The following NOP14 variants were observed in gnomAD, a reference collection of about 807,000 sequenced individuals.
NOP14 encodes the protein nucleolar protein 14.
In NOP14, 57 loss-of-function variants were observed where a neutral mutation model predicts 101.6. The ratio of observed to expected loss-of-function variants is 0.56; its 90% confidence interval spans 0.45 to 0.70. The LOEUF (loss-of-function observed/expected upper bound fraction) is 0.70. Ranked by LOEUF, NOP14 falls within the 30% of genes least tolerant of loss-of-function variation. NOP14 has a pLI of 0.00. For synonymous variants in NOP14, 428 were observed against 424.0 expected (o/e 1.01, Z -0.12); for missense variants, 1,134 against 1,075.5 (o/e 1.05, Z -0.76).
intron 1 of NOP14, chr4:2,961,298 T>C (rs1715881924): frequency 1.3e-5 from 2 of 148,884 alleles, no homozygotes; most frequent in East Asian, 1.9e-4. Context: ...ACTATATTAA[T>C]ATAGTTACTG....
In NOP14 at chr4:2,938,927, A is replaced by T. The variant is rs770804568; in HGVS notation, c.2478T>A (p.Asp826Glu). 3.7e-6 allele frequency: 6 copies of T among 1,613,646 alleles called. No homozygotes were observed. Among genetic ancestry groups the T allele is most frequent in the Non-Finnish European group, 5.1e-6 (6 of 1,179,696 alleles). Residue 826 changes from aspartate to glutamate, a missense_variant, in exon 18 of 18, where the codon GAT (aspartate) becomes GAA (glutamate). Asp to Glu is a conservative substitution (Grantham distance 45, BLOSUM62 2). Coordinates refer to ENST00000416614, the MANE Select transcript of NOP14 (RefSeq NM_001291978.2). ...RMQLSEIMER[D>E]AERKRKVKQL... ...GCTTTACTTTCCGCTTTCTTTCCGCATCCCTAAAAGAAACAAAAGGCAAAT... is the reference window on the plus strand; with the variant it reads ...GCTTTACTTTCCGCTTTCTTTCCGCTTCCCTAAAAGAAACAAAAGGCAAAT...
chr4:2,954,641 T>C (rs1715224439), intron 3 of NOP14, 78 bp from the exon 4 acceptor site: 3 of 1,532,472 alleles, frequency 2.0e-6, no homozygotes, highest in Admixed American at 2.0e-5. Flanking sequence ...ACTCTGCCAG[T>C]GCTTCCCCCA....
intron 8 of NOP14, 71 bp downstream of exon 8, chr4:2,949,863 C>G: frequency 6.4e-7 from 1 of 1,566,910 alleles, no homozygotes. Flanking sequence ...GGGAGGGAGA[C>G]GAACACACAC....
intron 7 of NOP14, chr4:2,950,887 AGT>A (rs1009811102): frequency 3.1e-4 from 82 of 263,784 alleles, no homozygotes; most frequent in African/African-American, 1.4e-3. Flanking sequence ...AGAGAGAGAG[AGT>A]GAGAAAGAGA....
intron 1 of NOP14, among the ~76,000 whole-genome samples, chr4:2,959,466 G>A (rs113397535): frequency 0.073 from 11,097 of 152,138 alleles, 632 homozygotes; most frequent in Admixed American, 0.16. Flanking sequence ...GGTGGCGGGC[G>A]CCTGTAGTCC....
chr4:2,943,946 C>T (rs190448582), intron 13 of NOP14, 127 bp downstream of exon 13: 36 of 714,228 alleles, frequency 5.0e-5, no homozygotes, highest in African/African-American at 2.0e-4. Flanking sequence ...ACAGACAGTG[C>T]GGCGGGTGGC....
chr4:2,961,228 T>A (rs1715860111), intron 1 of NOP14: 4 of 117,604 alleles, frequency 3.4e-5, no homozygotes, highest in Admixed American at 9.1e-5. Context: ...ATTAATATTG[T>A]TAGTATATTA....
intron 8 of NOP14, among the ~76,000 whole-genome samples, chr4:2,949,084 C>T (rs146890285): frequency 4.2e-4 from 64 of 152,322 alleles, no homozygotes; most frequent in African/African-American, 1.3e-3. Context: ...GCAGTGTCAG[C>T]TCAGGAGACT....
At chr4:2,943,952 G>A in intron 13 of NOP14, 121 bp downstream of exon 13, 1 of 753,094 alleles carries the variant, frequency 1.3e-6, no homozygotes, top group South Asian at 1.9e-5. Context: ...AGTGCGGCGG[G>A]TGGCAGGTTG....
intron 1 of NOP14, among the ~76,000 whole-genome samples, chr4:2,960,455 C>T (rs372381427): frequency 3.9e-5 from 6 of 151,928 alleles, no homozygotes; most frequent in East Asian, 1.9e-4. Flanking sequence ...GCTATAAATA[C>T]GTAATATGAG....
At chr4:2,954,663 A>G in intron 3 of NOP14, 100 bp from the exon 4 acceptor site, 1 of 1,410,258 alleles carries the variant, frequency 7.1e-7, no homozygotes, top group Non-Finnish European at 9.4e-7. Context: ...AGTGGTCTGG[A>G]AAAGTCCACA....
At chr4:2,959,830 G>C (rs1349916580) in intron 1 of NOP14, among the ~76,000 whole-genome samples, 1 of 152,158 alleles carries the variant, frequency 6.6e-6, no homozygotes, top group African/African-American at 2.4e-5. Context: ...TTTATCCGCA[G>C]AGCAAAATTT....
chr4:2,947,923 C>T (rs1157320162), intron 9 of NOP14, among the ~76,000 whole-genome samples: 3 of 152,258 alleles, frequency 2.0e-5, no homozygotes, highest in South Asian at 2.1e-4. Context: ...GCAATATCCA[C>T]CATTCACTGA....
At chr4:2,943,416 G>C (rs1048828131) in intron 13 of NOP14, among the ~76,000 whole-genome samples, 1 of 152,236 alleles carries the variant, frequency 6.6e-6, no homozygotes, top group Non-Finnish European at 1.5e-5. Flanking sequence ...GGAAGAGGCT[G>C]TGCAGCTCCT....
At chr4:2,950,249 A>T (rs1428388167) in intron 7 of NOP14, 36 bp from the exon 8 acceptor site, 1 of 1,606,480 alleles carries the variant, frequency 6.2e-7, no homozygotes, top group Non-Finnish European at 8.5e-7. Context: ...GCATGAGGAC[A>T]GGCGGAGACA....
In NOP14 at chr4:2,960,688, TATAATC is replaced by T. The variant is rs1560310380; in HGVS notation, c.195+2431_195+2436del. On this transcript the variant is annotated intron_variant, in intron 1 of 17. Coordinates refer to ENST00000416614, the MANE Select transcript of NOP14 (RefSeq NM_001291978.2). ...TATTATATTAATATTATATTAATAT[TATAATC>T]ACATTAATATTAATATATTAATATT... 1.0e-3 allele frequency among the ~76,000 whole-genome samples: 126 copies of T among 124,682 alleles called. 2 individuals are homozygous for T. The highest frequency in any genetic ancestry group is 1.5e-3 in the Admixed American group (18 of 12,358). 81.8% of individuals were successfully genotyped at this position (124,682 alleles called of 152,430 possible). A position where few individuals can be genotyped will look rare whatever the true frequency, so the allele number is the denominator to read the frequency against.
chr4:2,956,654 A>C lies in NOP14; in HGVS notation c.472+16T>G, dbSNP rs754659062. ...ACTCCACGCCCACAGGCCCGTGCAC[A>C]GCACCCCAGCCTCACCAGACAACGT... On this transcript the variant is annotated intron_variant, in intron 3 of 17. Transcript: ENST00000416614. 6.2e-7 allele frequency: 1 copy of C among 1,606,920 alleles called. No individual in the cohort carries two copies.
At chr4:2,950,973 C>T in intron 7 of NOP14, 141 bp downstream of exon 7, 3 of 725,154 alleles carry the variant, frequency 4.1e-6, no homozygotes, top group South Asian at 3.7e-5. Flanking sequence ...ATACCATAAA[C>T]ACCCAGATAA....
rs1560310321 is a variant in NOP14 at position 2,960,676 on chromosome 4, T to TTATAATTACATTAATATCAA, written c.195+2448_195+2449insTTGATATTAATGTAATTATA. On this transcript the variant is annotated intron_variant, in intron 1 of 17. Transcript: ENST00000416614. ...GTTACTATATATTATTATATTAATA[T>TTATAATTACATTAATATCAA]TATATTAATATTATAATCACATTAA... 8.4e-5 allele frequency among the ~76,000 whole-genome samples: 8 copies of TTATAATTACATTAATATCAA among 94,814 alleles called. No homozygotes were observed. In the East Asian group the frequency reaches 9.1e-4, roughly 11 times the overall value. The allele number at this position is 94,814 out of a possible 152,430, so 62.2% of individuals were successfully genotyped here. A position where few individuals can be genotyped will look rare whatever the true frequency, so the allele number is the denominator to read the frequency against.
Sources: gnomAD v4.1 joint callset for allele counts (sites outside exome capture counted in the v4.1 genomes callset) on GRCh38, gnomAD v4.1.1 for gene constraint, MANE v1.5 for transcripts, NCBI Gene and HGNC (gene_info 2026-07-23, HGNC 2026-07-21) for gene names.